Variants in DIS3L2 observed in about 807,000 individuals in gnomAD.
DIS3L2 encodes the protein DIS3-like exonuclease 2.
In DIS3L2, 34 loss-of-function variants were observed where a neutral mutation model predicts 97.5. The ratio of observed to expected loss-of-function variants is 0.35; its 90% CI spans 0.27 to 0.46. DIS3L2 has a LOEUF of 0.46. Among genes scored for constraint, DIS3L2 ranks in the 20% least tolerant of loss-of-function variants. DIS3L2 has a pLI of 1.00. For missense variants in DIS3L2, 1,038 were observed against 1,146.0 expected (o/e 0.91, Z 1.36); for synonymous variants, 435 against 445.2 (o/e 0.98, Z 0.29).
intron 11 of DIS3L2, 133 bp downstream of exon 11, chr2:232,238,778 G>A (rs529401666): frequency 3.9e-6 from 3 of 761,048 alleles, no homozygotes; most frequent in African/African-American, 1.8e-5. Context: ...TTCATCTGAG[G>A]CCTCATCCCA....
chr2:232,242,530 T>C (rs757037471), intron 11 of DIS3L2, among the ~76,000 whole-genome samples: 3 of 152,216 alleles, frequency 2.0e-5, no homozygotes, highest in Non-Finnish European at 4.4e-5. Flanking sequence ...TTCCCTTCTG[T>C]GGCCCTTTGT....
At chr2:232,147,997 TTCTCCTCTCC>T (rs56996184) in intron 8 of DIS3L2, among the ~76,000 whole-genome samples, 21 of 97,560 alleles carry the variant, frequency 2.2e-4, no homozygotes, top group Middle Eastern at 5.4e-3. Context: ...CTCCCCTCTT[TTCTCCTCTCC>T]TCTCCTCTCC....
At chr2:232,099,648 G>A (rs1465135841) in intron 6 of DIS3L2, among the ~76,000 whole-genome samples, 1 of 152,200 alleles carries the variant, frequency 6.6e-6, no homozygotes, top group Non-Finnish European at 1.5e-5. Flanking sequence ...TTCTAGAACA[G>A]CTTGTGTAAA....
At chr2:232,335,538 A>G (rs1444073592) in intron 19 of DIS3L2, 3 of 437,976 alleles carry the variant, frequency 6.8e-6, no homozygotes, top group Non-Finnish European at 1.3e-5. Flanking sequence ...CTTGCCCCCC[A>G]TAGCACACAG....
chr2:232,095,823 T>G (rs1433161066), intron 6 of DIS3L2, among the ~76,000 whole-genome samples: 7 of 152,174 alleles, frequency 4.6e-5, no homozygotes, highest in Admixed American at 1.3e-4. Context: ...AAGGATACTT[T>G]CACTGGATAT....
At chr2:232,124,164 TCTA>T (rs1231975433) in intron 6 of DIS3L2, among the ~76,000 whole-genome samples, 2 of 151,886 alleles carry the variant, frequency 1.3e-5, no homozygotes, top group African/African-American at 4.8e-5. Flanking sequence ...CTAAAAAATG[TCTA>T]TTTGAAATCA....
At chr2:232,277,064 G>A (rs905672290) in intron 13 of DIS3L2, among the ~76,000 whole-genome samples, 9 of 152,248 alleles carry the variant, frequency 5.9e-5, no homozygotes, top group African/African-American at 2.2e-4. Context: ...CGATCTGGGA[G>A]GTGGGGGAGG....
intron 9 of DIS3L2, among the ~76,000 whole-genome samples, chr2:232,175,285 C>T (rs553263334): frequency 2.6e-5 from 4 of 152,038 alleles, no homozygotes; most frequent in South Asian, 2.1e-4. Context: ...TGAGATAATC[C>T]TGTGATTTTT....
chr2:232,296,616 C>G (rs998811566), intron 13 of DIS3L2, among the ~76,000 whole-genome samples: 2 of 152,154 alleles, frequency 1.3e-5, no homozygotes, highest in Admixed American at 1.3e-4. Context: ...ATGGGAGTTT[C>G]CCTGCACAAG....
Position 232,075,355 on chromosome 2 carries a change from C to T in DIS3L2, c.367-12132C>T, listed in dbSNP as rs545224455. Among the ~76,000 whole-genome samples, 425 of 152,308 alleles carry T rather than the reference C, an allele frequency of 2.8e-3. 1 individual carries two copies. The highest frequency in any genetic ancestry group is 4.6e-3 in the Non-Finnish European group (315 of 68,016). On this transcript the variant is annotated intron_variant, in intron 5 of 20. Coordinates refer to ENST00000325385, the MANE Select transcript of DIS3L2 (RefSeq NM_152383.5). ...GATTGTGCAATAGAATGTGAAGATT[C>T]ATAATAAAAACTTCAGTGTTTCTTG... is the stretch of plus-strand genomic sequence containing the variant.
At chr2:231,962,059 G>A (rs1692573605) in intron 1 of DIS3L2, among the ~76,000 whole-genome samples, 2 of 152,310 alleles carry the variant, frequency 1.3e-5, no homozygotes, top group South Asian at 4.1e-4. Flanking sequence ...TGAGGGGAGC[G>A]AGACCAGAAT....
chr2:232,231,469 C>T (rs3103279), intron 10 of DIS3L2, among the ~76,000 whole-genome samples: 1 of 152,328 alleles, frequency 6.6e-6, no homozygotes, highest in African/African-American at 2.4e-5. Context: ...TGGGCTTGTT[C>T]TGGGCACCCT....
At chr2:232,342,282 C>CATATATGCATATATACACATATATACAT (rs1696128355) in intron 13 of DIS3L2, among the ~76,000 whole-genome samples, 10 of 151,820 alleles carry the variant, frequency 6.6e-5, no homozygotes, top group Admixed American at 5.9e-4. Context: ...CATATATACA[C>CATATATGCATATATACACATATATACAT]ATATATGCAT....
intron 1 of DIS3L2, among the ~76,000 whole-genome samples, chr2:232,001,557 C>CTTTTTTTTTTTTTTTTTTT (rs57766848): frequency 2.6e-4 from 16 of 61,920 alleles, no homozygotes; most frequent in Non-Finnish European, 4.0e-4. Context: ...TGCCATTTGT[C>CTTTTTTTTTTTTTTTTTTT]TTTTTTTTTT....
intron 1 of DIS3L2, among the ~76,000 whole-genome samples, chr2:231,983,531 T>C (rs1015942540): frequency 3.9e-5 from 6 of 151,996 alleles, no homozygotes; most frequent in African/African-American, 1.2e-4. Flanking sequence ...CTCATAGGAG[T>C]GCGAACCCTG....
intron 5 of DIS3L2, among the ~76,000 whole-genome samples, chr2:232,063,312 A>C (rs1006958115): frequency 1.3e-5 from 2 of 152,214 alleles, no homozygotes; most frequent in African/African-American, 4.8e-5. Flanking sequence ...TAACATTTCT[A>C]TTTTGATTTC....
chr2:232,158,628 G>GT (rs767247583), intron 8 of DIS3L2, among the ~76,000 whole-genome samples: 5 of 152,074 alleles, frequency 3.3e-5, no homozygotes, highest in Non-Finnish European at 7.4e-5. Flanking sequence ...GCTTCTCACT[G>GT]TTTCTGTGAG....
rs891310818 is a variant in DIS3L2, at chr2:232,325,755, A to G, written c.1740-4058A>G. On this transcript the variant is annotated intron_variant, in intron 14 of 20. Coordinates refer to ENST00000325385, the MANE Select transcript of DIS3L2 (RefSeq NM_152383.5). The surrounding 1 kb of genome is among the most constrained non-coding windows in gnomAD (Gnocchi z 4.6). The stretch of plus-strand genomic sequence containing the variant: ...TGGCAGCCATTCCCAGCCCCTCGGA[A>G]AGCAGTTGTCAGGCAGTCCCTGAGC... Among the ~76,000 whole-genome samples the G allele has an allele frequency of 2.6e-5, 4 of 152,192 alleles. No individual in the cohort carries two copies. Among genetic ancestry groups the G allele is most frequent in the Admixed American group, 6.5e-5 (1 of 15,286 alleles).
In DIS3L2 at chr2:232,269,736, G is replaced by A. The variant is rs1173260952; in HGVS notation, c.1659+6296G>A. On this transcript the variant is annotated intron_variant, in intron 13 of 20. Coordinates refer to ENST00000325385, the MANE Select transcript of DIS3L2 (RefSeq NM_152383.5). The surrounding 1 kb of genome is among the most constrained non-coding windows in gnomAD (Gnocchi z 4.5). ...GATGAGAAATGGCAGATTGTTCCAG[G>A]GTGTGTGGTGTAGGGTGCAGAGAGA... is the stretch of plus-strand genomic sequence containing the variant. Among the ~76,000 whole-genome samples the A allele has an allele frequency of 2.3e-5, 3 of 130,928 alleles. No homozygotes were observed. Among genetic ancestry groups the A allele is most frequent in the African/African-American group, 6.8e-5 (2 of 29,316 alleles). The allele number at this position is 130,928 out of a possible 152,430, so 85.9% of individuals were successfully genotyped here. A position where few individuals can be genotyped will look rare whatever the true frequency, so the allele number is the denominator to read the frequency against.
Sources: allele counts gnomAD v4.1 joint callset (sites outside exome capture counted in the v4.1 genomes callset), GRCh38; gene constraint gnomAD v4.1.1; non-coding constraint Gnocchi (gnomAD v3.1); transcripts MANE v1.5; gene names NCBI Gene and HGNC (gene_info 2026-07-23, HGNC 2026-07-21).